ANKRD11: variants seen among roughly 807,000 people sequenced by gnomAD.
ANKRD11 encodes the protein ankyrin repeat domain-containing protein 11.
In ANKRD11, 17 loss-of-function variants were observed where a neutral mutation model predicts 195.7. The observed-to-expected ratio is 0.09, with a 90% CI of 0.06 to 0.13. The LOEUF (loss-of-function observed/expected upper bound fraction) is 0.13, where lower values mean the gene tolerates loss of function less well. ANKRD11 is among the 10% of genes least tolerant of loss of function. ANKRD11 has a pLI of 1.00. For synonymous variants in ANKRD11, 1,953 were observed against 1,528.1 expected, an observed-to-expected ratio of 1.28 and a Z score of -6.49; for missense variants, 3,735 against 3,566.1, an observed-to-expected ratio of 1.05 and a Z score of -1.21.
intron 1 of ANKRD11, among the ~76,000 whole-genome samples, chr16:89,425,854 C>A (rs905162302): frequency 1.3e-5 from 2 of 152,144 alleles, no homozygotes; most frequent in Non-Finnish European, 2.9e-5. Context: ...CTTCCTTCTT[C>A]AGTGCAAATG....
intron 2 of ANKRD11, among the ~76,000 whole-genome samples, chr16:89,416,482 A>T (rs2042315879): frequency 6.6e-6 from 1 of 152,180 alleles, no homozygotes; most frequent in Admixed American, 6.5e-5. Flanking sequence ...CATTTTTAAT[A>T]GAGATGGGGT....
intron 2 of ANKRD11, among the ~76,000 whole-genome samples, chr16:89,414,599 G>C (rs562485680): frequency 5.4e-4 from 82 of 152,346 alleles, no homozygotes; most frequent in African/African-American, 1.9e-3. Context: ...CTTTACAGTA[G>C]ATACGACCGT....
chr16:89,475,371 C>T (rs529129330), intron 1 of ANKRD11, among the ~76,000 whole-genome samples: 5 of 152,266 alleles, frequency 3.3e-5, no homozygotes, highest in African/African-American at 9.6e-5. Flanking sequence ...TGCTGCCTCC[C>T]AGAGAGCTCC....
In ANKRD11 at chr16:89,394,715, CAT is replaced by C. The variant is rs1338247248; in HGVS notation, c.-60+23567_-60+23568del. On this transcript the variant is annotated intron_variant, in intron 2 of 12. Coordinates refer to ENST00000301030, the MANE Select transcript of ANKRD11 (RefSeq NM_013275.6). The stretch of plus-strand genomic sequence containing the variant: ...CAATAAAACCTGCGAAGACTGCTTT[CAT>C]ATACAGGAGTCGTGTTTTATGACAA... Among the ~76,000 whole-genome samples, 5 of 152,062 alleles carry C rather than the reference CAT, an allele frequency of 3.3e-5. No homozygotes were observed. In the East Asian group the frequency reaches 9.7e-4, roughly 29 times the overall value.
chr16:89,467,993 G>A (rs927128751), intron 1 of ANKRD11, among the ~76,000 whole-genome samples: 5 of 151,918 alleles, frequency 3.3e-5, no homozygotes, highest in African/African-American at 7.3e-5. Flanking sequence ...TAGTAGAGAC[G>A]GGGTTTGGTT....
intron 11 of ANKRD11, 65 bp downstream of exon 11, chr16:89,274,749 G>T: frequency 6.3e-7 from 1 of 1,597,736 alleles, no homozygotes; most frequent in Non-Finnish European, 8.5e-7. Context: ...ATCTATCAAG[G>T]GGAGGGGAGG....
At chr16:89,393,201 G>A (rs778284410) in intron 2 of ANKRD11, among the ~76,000 whole-genome samples, 4 of 152,076 alleles carry the variant, frequency 2.6e-5, no homozygotes, top group East Asian at 1.9e-4. Context: ...AGAGCACGAC[G>A]CCAGCCTCAT....
chr16:89,432,361 G>A (rs911858658), intron 1 of ANKRD11, among the ~76,000 whole-genome samples: 2 of 151,750 alleles, frequency 1.3e-5, no homozygotes, highest in Admixed American at 6.6e-5. Flanking sequence ...GCTGGCAGCC[G>A]CTGTTTGTGA....
intron 2 of ANKRD11, chr16:89,361,434 C>G (rs1180282197): frequency 6.6e-6 from 1 of 152,298 alleles, no homozygotes; most frequent in African/African-American, 2.4e-5. Context: ...CTGTCTTCAT[C>G]ATCATTCAAC....
intron 2 of ANKRD11, among the ~76,000 whole-genome samples, chr16:89,344,162 G>C: frequency 6.6e-6 from 1 of 152,176 alleles, no homozygotes; most frequent in South Asian, 2.1e-4. Context: ...AGCACACACG[G>C]GCAACCCTGG....
At chr16:89,425,883 A>G (rs1003550227) in intron 1 of ANKRD11, among the ~76,000 whole-genome samples, 1 of 152,232 alleles carries the variant, frequency 6.6e-6, no homozygotes, top group Non-Finnish European at 1.5e-5. Flanking sequence ...TACTACAGGA[A>G]AAAACGAAAC....
At chr16:89,300,027 T>C (rs2035742077) in intron 4 of ANKRD11, 2 of 180,310 alleles carry the variant, frequency 1.1e-5, no homozygotes, top group Non-Finnish European at 2.1e-5. Flanking sequence ...CTGTGTGGGA[T>C]GCGTGGGGTC....
chr16:89,360,367 G>C (rs1371732199), intron 2 of ANKRD11, among the ~76,000 whole-genome samples: 1 of 152,168 alleles, frequency 6.6e-6, no homozygotes, highest in Admixed American at 6.5e-5. Context: ...AAGTAGCTGG[G>C]ACTACAGGTG....
chr16:89,396,309 G>A (rs2041425912), intron 2 of ANKRD11, among the ~76,000 whole-genome samples: 1 of 152,136 alleles, frequency 6.6e-6, no homozygotes, highest in Non-Finnish European at 1.5e-5. Flanking sequence ...TGCACACTGT[G>A]TGCTGACCTG....
Position 89,470,784 on chromosome 16 carries a change from T to G in ANKRD11, c.-145+19461A>C, listed in dbSNP as rs185355989. The stretch of plus-strand genomic sequence containing the variant: ...GCGGGTGGATCACAAGGTCAGGAGA[T>G]CAAGACTATCCTGGCTAACACGGTG... On this transcript the variant is annotated intron_variant, in intron 1 of 12. Coordinates refer to ENST00000301030, the MANE Select transcript of ANKRD11 (RefSeq NM_013275.6). Among the ~76,000 whole-genome samples, 13 of 150,280 alleles carry G rather than the reference T, an allele frequency of 8.7e-5. No homozygotes were observed. The East Asian group carries it at 2.7e-3, about 31-fold the overall frequency.
chr16:89,361,139 C>T (rs1340328083), intron 2 of ANKRD11, among the ~76,000 whole-genome samples: 1 of 152,192 alleles, frequency 6.6e-6, no homozygotes, highest in Non-Finnish European at 1.5e-5. Context: ...CTGGCTAGGC[C>T]CGTACTTCTT....
At chr16:89,483,038 G>A (rs1038088899) in intron 1 of ANKRD11, among the ~76,000 whole-genome samples, 1 of 152,186 alleles carries the variant, frequency 6.6e-6, no homozygotes, top group Non-Finnish European at 1.5e-5. Flanking sequence ...GTTAGTTACA[G>A]CAGCGCTGGA....
rs560321030 is a variant in ANKRD11 at position 89,415,068 on chromosome 16, C to T, written c.-60+3216G>A. ...CAAGTGATCCTTCCTCCCCGCTCAG[C>T]CTCCCCAAGTAGCTGAGACCACAGG... On this transcript the variant is annotated intron_variant, in intron 2 of 12. Transcript: ENST00000301030. Among the ~76,000 whole-genome samples, 4 of 152,022 alleles carry T rather than the reference C, an allele frequency of 2.6e-5. No homozygotes were observed. The South Asian group carries it at 8.3e-4, about 32-fold the overall frequency.
At chr16:89,335,746 G>C (rs2082025169) in intron 2 of ANKRD11, among the ~76,000 whole-genome samples, 1 of 152,228 alleles carries the variant, frequency 6.6e-6, no homozygotes, top group African/African-American at 2.4e-5. Flanking sequence ...CACTGACCGT[G>C]ACAGGCCCCA....
Sources: allele counts gnomAD v4.1 joint callset (sites outside exome capture counted in the v4.1 genomes callset), GRCh38; gene constraint gnomAD v4.1.1; transcripts MANE v1.5; gene names NCBI Gene and HGNC (gene_info 2026-07-23, HGNC 2026-07-21).